The following AP3S2 variants were observed in gnomAD, a reference collection of about 807,000 sequenced individuals.
AP3S2 encodes the protein adaptor related protein complex 3 subunit sigma 2.
In AP3S2, 22 loss-of-function variants were observed where a neutral mutation model predicts 23.4. The observed-to-expected ratio is 0.94, with a 90% CI of 0.67 to 1.34. The LOEUF (loss-of-function observed/expected upper bound fraction) is 1.34, where lower values mean the gene tolerates loss of function less well. Ranked by LOEUF, AP3S2 falls within the 40% of genes most tolerant of loss-of-function variation. The pLI, the probability that AP3S2 is intolerant of heterozygous loss-of-function variation, is 0.00. For synonymous variants in AP3S2, 86 were observed against 87.1 expected (o/e 0.99, Z 0.07); for missense variants, 241 against 236.9 (o/e 1.02, Z -0.11).
chr15:89,875,100 T>G (rs762068729), intron 3 of AP3S2, among the ~76,000 whole-genome samples: 1 of 152,226 alleles, frequency 6.6e-6, no homozygotes, highest in Non-Finnish European at 1.5e-5. Flanking sequence ...GAAGGAGCTA[T>G]TCAGTCTGTG....
rs142608661 is a variant in AP3S2 at position 89,835,564 on chromosome 15, T to C, written c.533A>G (p.Asn178Ser). 12 of 1,614,080 alleles carry C rather than the reference T, an allele frequency of 7.4e-6. No homozygotes were observed. Among genetic ancestry groups the C allele is most frequent in the East Asian group, 4.5e-5 (2 of 44,876 alleles). The change falls in exon 6 of 6, where the codon AAC becomes AGC. Residue 178 changes from asparagine (N) to serine (S), a missense_variant. Asn to Ser is a conservative substitution (Grantham distance 46, BLOSUM62 1). Transcript: ENST00000336418. ...INLPEIPRNI[N>S]IGDLNIKVPN... is the part of the protein sequence containing the mutation. ...AACTTTGATGTTGAGATCGCCAATGTTGATGTTCCGAGGAATCTCTGGCAG... is the reference window on the plus strand; with the variant it reads ...AACTTTGATGTTGAGATCGCCAATGCTGATGTTCCGAGGAATCTCTGGCAG...
intron 4 of AP3S2, among the ~76,000 whole-genome samples, chr15:89,853,550 G>A (rs1227000267): frequency 1.3e-5 from 2 of 152,102 alleles, no homozygotes; most frequent in Non-Finnish European, 2.9e-5. Flanking sequence ...GAAGTGAGGA[G>A]TGTCTCTGCC....
chr15:89,843,270 C>T (rs1263427580), intron 4 of AP3S2, among the ~76,000 whole-genome samples: 1 of 151,988 alleles, frequency 6.6e-6, no homozygotes, highest in African/African-American at 2.4e-5. Flanking sequence ...AAGCATGAGC[C>T]ACTACACCCA....
chr15:89,874,535 G>A (rs1000736178), intron 3 of AP3S2, among the ~76,000 whole-genome samples: 3 of 152,192 alleles, frequency 2.0e-5, no homozygotes, highest in African/African-American at 7.2e-5. Flanking sequence ...AACACTTTGG[G>A]CAGCCAAGAC....
At chr15:89,877,458 A>G in intron 3 of AP3S2, 1 of 1,174,342 alleles carries the variant, frequency 8.5e-7, no homozygotes, top group Non-Finnish European at 1.1e-6. Context: ...AAAATTTACC[A>G]TCATAGCCAT....
chr15:89,844,299 T>C (rs1895430609), intron 4 of AP3S2, among the ~76,000 whole-genome samples: 1 of 139,526 alleles, frequency 7.2e-6, no homozygotes, highest in Non-Finnish European at 1.6e-5. Context: ...TTCTTTACTT[T>C]TTTCTTTCCT....
At chr15:89,885,317 C>T (rs1896671700) in intron 3 of AP3S2, among the ~76,000 whole-genome samples, 1 of 152,048 alleles carries the variant, frequency 6.6e-6, no homozygotes, top group Non-Finnish European at 1.5e-5. Context: ...GCCTTGGCTA[C>T]CCAAACAGCC....
At chr15:89,841,537 G>T (rs1805296044) in intron 4 of AP3S2, among the ~76,000 whole-genome samples, 2 of 152,170 alleles carry the variant, frequency 1.3e-5, no homozygotes, top group Non-Finnish European at 2.9e-5. Flanking sequence ...GAACTTCCTT[G>T]GACCTGAAGT....
At chr15:89,858,523 GAGAAAGAAAGAA>G (rs58144640) in intron 4 of AP3S2, among the ~76,000 whole-genome samples, 40 of 53,678 alleles carry the variant, frequency 7.5e-4, no homozygotes, top group African/African-American at 1.9e-3. Flanking sequence ...GAGAGAGAGA[GAGAAAGAAAGAA>G]AGAAAGAAAG....
rs1237155770 is a variant in AP3S2, at chr15:89,856,073, G to C, written c.345+15402C>G. ...TAAATTACACAGTTAGAATCTGGTA[G>C]AGTCAGAAGCCCACAAAGGCAATTC... On this transcript the variant is annotated intron_variant, in intron 4 of 5. Transcript: ENST00000336418. Among the ~76,000 whole-genome samples, 3 of 151,944 alleles carry C rather than the reference G, an allele frequency of 2.0e-5. No homozygotes were observed. In the East Asian group the frequency reaches 5.8e-4, roughly 29 times the overall value.
intron 4 of AP3S2, among the ~76,000 whole-genome samples, chr15:89,867,752 G>A (rs1438341357): frequency 1.4e-5 from 2 of 139,684 alleles, no homozygotes; most frequent in Non-Finnish European, 1.6e-5. Context: ...CCCTGTCTGA[G>A]AAGTGAGGAG....
chr15:89,881,224 A>G (rs188808862), intron 3 of AP3S2, among the ~76,000 whole-genome samples: 1 of 152,274 alleles, frequency 6.6e-6, no homozygotes, highest in East Asian at 1.9e-4. Flanking sequence ...GTGAGGGGAG[A>G]GAGAGGCAAA....
chr15:89,880,687 G>C lies in AP3S2; in HGVS notation c.273+7834C>G, dbSNP rs1409339448. ...AGACTCCGTCTCAAAAAAAAAAAAA[G>C]AAACAATAAATAAAACAACATGAAA... is the stretch of plus-strand genomic sequence containing the variant. On this transcript the variant is annotated intron_variant, in intron 3 of 5. Transcript: ENST00000336418. Among the ~76,000 whole-genome samples the C allele has an allele frequency of 4.5e-5, 6 of 132,752 alleles. No individual in the cohort carries two copies. In the East Asian group the frequency reaches 1.3e-3, roughly 29 times the overall value. The allele number at this position is 132,752 out of a possible 152,430, so 87.1% of individuals were successfully genotyped here.
chr15:89,860,052 A>G (rs965018175), intron 4 of AP3S2, among the ~76,000 whole-genome samples: 1 of 152,208 alleles, frequency 6.6e-6, no homozygotes, highest in Non-Finnish European at 1.5e-5. Flanking sequence ...GGCATGAGCC[A>G]TCATGACCAG....
intron 4 of AP3S2, among the ~76,000 whole-genome samples, chr15:89,861,152 G>C (rs114853084): frequency 6.6e-6 from 1 of 152,214 alleles, no homozygotes; most frequent in East Asian, 1.9e-4. Flanking sequence ...TAGTGCTCAC[G>C]AGTTAATTTT....
At chr15:89,859,774 T>C (rs1229930347) in intron 4 of AP3S2, among the ~76,000 whole-genome samples, 1 of 148,442 alleles carries the variant, frequency 6.7e-6, no homozygotes, top group Non-Finnish European at 1.5e-5. Context: ...TTTTTTTTTT[T>C]TTTTTCTGAG....
chr15:89,839,223 G>T (rs978302768), intron 4 of AP3S2, among the ~76,000 whole-genome samples: 1 of 152,168 alleles, frequency 6.6e-6, no homozygotes, highest in Non-Finnish European at 1.5e-5. Flanking sequence ...TGCATATCTG[G>T]GCACTGTGCA....
At chr15:89,889,818 C>A (rs1896778351) in intron 1 of AP3S2, among the ~76,000 whole-genome samples, 1 of 132,738 alleles carries the variant, frequency 7.5e-6, no homozygotes, top group Non-Finnish European at 1.5e-5. Flanking sequence ...GAGCCGAGAT[C>A]ACGCCACTGC....
At chr15:89,889,018 T>C (rs181571993) in intron 2 of AP3S2, 31 bp downstream of exon 2, 4 of 1,613,414 alleles carry the variant, frequency 2.5e-6, no homozygotes, top group East Asian at 4.5e-5. Flanking sequence ...CAAGTGGATA[T>C]ATGGGGAGAA....
Sources: gnomAD v4.1 joint callset for allele counts (sites outside exome capture counted in the v4.1 genomes callset) on GRCh38, gnomAD v4.1.1 for gene constraint, MANE v1.5 for transcripts, NCBI Gene and HGNC (gene_info 2026-07-23, HGNC 2026-07-21) for gene names.